The following KCNN2 variants were observed in gnomAD, a reference collection of about 807,000 sequenced individuals.
KCNN2 encodes the protein potassium calcium-activated channel subfamily N member 2, also known as small conductance calcium-activated potassium channel protein 2.
A neutral mutation model predicts 55.5 loss-of-function variants in KCNN2; 24 were observed. The observed-to-expected ratio is 0.43, with a 90% CI of 0.31 to 0.61. The LOEUF is 0.61. Ranked by LOEUF, KCNN2 falls within the 20% of genes least tolerant of loss-of-function variation. The probability of loss-of-function intolerance (pLI) is 0.08; values close to 1 mark genes in which losing one functional copy is unlikely to be tolerated. For missense variants in KCNN2, 754 were observed against 853.6 expected, an observed-to-expected ratio of 0.88 and a Z score of 1.45; for synonymous variants, 431 against 336.1, an observed-to-expected ratio of 1.28 and a Z score of -3.09.
chr5:114,276,136 G>T (rs1330176633), intron 2 of KCNN2, among the ~76,000 whole-genome samples: 2 of 152,210 alleles, frequency 1.3e-5, no homozygotes, highest in East Asian at 1.9e-4. Context: ...TAGTTGTGCA[G>T]TTTTGAGTGA....
In KCNN2 at chr5:114,318,301, ATCAAATCCTTATTACCATTG is replaced by A. The variant is rs750574789; in HGVS notation, c.-184-42626_-184-42607del. Reference sequence around the variant, plus strand: ...TACCCATACTTTATTTTGGAATATTATCAAATCCTTATTACCATTGTCAAATCCTTATTACCACTCATTGT... The same window carrying A: ...TACCCATACTTTATTTTGGAATATTATCAAATCCTTATTACCACTCATTGT... On this transcript the variant is annotated intron_variant, in intron 2 of 10. Transcript: ENST00000512097. 3.9e-5 allele frequency among the ~76,000 whole-genome samples: 6 copies of A among 152,294 alleles called. No homozygotes were observed. The South Asian group carries it at 6.2e-4, about 16-fold the overall frequency.
At chr5:114,129,690 G>A (rs986763010) in intron 1 of KCNN2, among the ~76,000 whole-genome samples, 3 of 152,194 alleles carry the variant, frequency 2.0e-5, no homozygotes, top group Admixed American at 6.5e-5. Context: ...GTGAATACCT[G>A]AGTTTCACAC....
At chr5:114,200,079 T>C (rs974075050) in intron 1 of KCNN2, among the ~76,000 whole-genome samples, 2 of 152,172 alleles carry the variant, frequency 1.3e-5, no homozygotes, top group Admixed American at 6.5e-5. Context: ...GGAATTTTCA[T>C]TGATTATTTT....
At chr5:114,300,536 A>G (rs1043007998) in intron 2 of KCNN2, among the ~76,000 whole-genome samples, 1 of 152,252 alleles carries the variant, frequency 6.6e-6, no homozygotes, top group African/African-American at 2.4e-5. Context: ...GCAATGGAAG[A>G]TCAGATATGA....
At chr5:114,056,584 G>A (rs1750214017) in intron 1 of KCNN2, 2 of 395,318 alleles carry the variant, frequency 5.1e-6, no homozygotes, top group Admixed American at 4.4e-5. Context: ...CTAAAGTGAA[G>A]TTTGCCTGGG....
rs1451804266 is a variant in KCNN2, at chr5:114,280,636, C to T, written c.-185+59071C>T. On this transcript the variant is annotated intron_variant, in intron 2 of 10. Coordinates refer to the KCNN2 transcript ENST00000512097. ...AGATGTGTGGTATCATTTCTGAGGG[C>T]TCTATTCTGTTCCATTAAGTCACCG... is the stretch of plus-strand genomic sequence containing the variant. Among the ~76,000 whole-genome samples the T allele has an allele frequency of 2.6e-5, 4 of 152,074 alleles. No homozygotes were observed. In the South Asian group the frequency reaches 6.2e-4, roughly 24 times the overall value.
chr5:114,223,484 T>A (rs76113960), intron 2 of KCNN2, among the ~76,000 whole-genome samples: 1 of 152,124 alleles, frequency 6.6e-6, no homozygotes, highest in Non-Finnish European at 1.5e-5. Flanking sequence ...ATTTTCACAT[T>A]TAATAAAATT....
At chr5:114,071,234 G>A (rs1750562269) in intron 1 of KCNN2, among the ~76,000 whole-genome samples, 1 of 152,170 alleles carries the variant, frequency 6.6e-6, no homozygotes, top group African/African-American at 2.4e-5. Context: ...GGTGTGGCAG[G>A]TGAGAAGCAC....
intron 1 of KCNN2, among the ~76,000 whole-genome samples, chr5:114,119,548 C>A (rs1049768317): frequency 6.6e-6 from 1 of 152,114 alleles, no homozygotes; most frequent in Non-Finnish European, 1.5e-5. Flanking sequence ...CTGCTCATAT[C>A]GCAGGCCCCT....
rs568882873 is a variant in KCNN2, at chr5:114,134,600, C to A, written c.-271+78100C>A. 1.9e-4 allele frequency among the ~76,000 whole-genome samples: 29 copies of A among 151,896 alleles called. No individual in the cohort carries two copies. The South Asian group carries it at 5.8e-3, about 30-fold the overall frequency. On this transcript the variant is annotated intron_variant, in intron 1 of 10. Transcript: ENST00000512097. ...AAGCCATTCTCCTGCCTAAGCCTCC[C>A]GAATAGCTGGGATTACAGGCGCCTG...
Position 114,419,378 on chromosome 5 carries a change from A to G in KCNN2, c.1637+14522A>G, listed in dbSNP as rs557315142. 6.6e-5 allele frequency among the ~76,000 whole-genome samples: 10 copies of G among 152,376 alleles called. No homozygotes were observed. In the South Asian group the frequency reaches 1.9e-3, roughly 28 times the overall value. On this transcript the variant is annotated intron_variant, in intron 3 of 7. Transcript: ENST00000673685. ...TGCTGAACAAGTTTGCCAACCTCTT[A>G]TCTAAAGTAGCATCATTTTGTCAAA... is the stretch of plus-strand genomic sequence containing the variant.
intron 1 of KCNN2, among the ~76,000 whole-genome samples, chr5:114,183,390 A>G (rs1172449863): frequency 1.3e-5 from 2 of 152,028 alleles, no homozygotes; most frequent in Non-Finnish European, 2.9e-5. Flanking sequence ...AATTTTTCCC[A>G]CTTTCCTGTT....
chr5:114,153,126 G>A (rs17350454), intron 1 of KCNN2, among the ~76,000 whole-genome samples: 15,862 of 152,212 alleles, frequency 0.1, 855 homozygotes, highest in Middle Eastern at 0.14. Context: ...GAAAACGTTG[G>A]GGCTTTGAGA....
chr5:114,415,771 C>T (rs982991757), intron 3 of KCNN2, among the ~76,000 whole-genome samples: 2 of 152,134 alleles, frequency 1.3e-5, no homozygotes, highest in Non-Finnish European at 2.9e-5. Flanking sequence ...TTTGTATATT[C>T]TGGTTACTAG....
At chr5:114,486,871 A>C in intron 5 of KCNN2, 179 bp from the exon 6 acceptor site, 1 of 1,148,818 alleles carries the variant, frequency 8.7e-7, no homozygotes, top group Non-Finnish European at 1.2e-6. Flanking sequence ...TGTTGTTCCC[A>C]GGCAGGTACA....
At chr5:114,388,560 A>G (rs975170436) in intron 2 of KCNN2, among the ~76,000 whole-genome samples, 1 of 152,134 alleles carries the variant, frequency 6.6e-6, no homozygotes, top group Non-Finnish European at 1.5e-5. Context: ...ATAATTATAT[A>G]TAGTCAATTT....
intron 3 of KCNN2, among the ~76,000 whole-genome samples, chr5:114,434,464 A>G (rs990051953): frequency 1.3e-5 from 2 of 152,148 alleles, no homozygotes; most frequent in African/African-American, 2.4e-5. Context: ...CATTCCTACC[A>G]TATCTGAGTC....
chr5:114,434,116 G>T (rs1007165956), intron 3 of KCNN2, among the ~76,000 whole-genome samples: 1 of 151,838 alleles, frequency 6.6e-6, no homozygotes, highest in Non-Finnish European at 1.5e-5. Flanking sequence ...GATTTCTGCA[G>T]TATTAATTGA....
At chr5:114,375,360 T>G (rs1757899944) in intron 2 of KCNN2, among the ~76,000 whole-genome samples, 1 of 152,156 alleles carries the variant, frequency 6.6e-6, no homozygotes, top group East Asian at 1.9e-4. Flanking sequence ...CAAAGATACA[T>G]CTAATACTTT....
Sources: gnomAD v4.1 joint callset for allele counts (sites outside exome capture counted in the v4.1 genomes callset) on GRCh38, gnomAD v4.1.1 for gene constraint, MANE v1.5 for transcripts, NCBI Gene and HGNC (gene_info 2026-07-23, HGNC 2026-07-21) for gene names.